Variants in SMURF1 observed in about 807,000 individuals in gnomAD.
SMURF1 encodes the protein E3 ubiquitin-protein ligase SMURF1.
In SMURF1, 44 loss-of-function variants were observed where a neutral mutation model predicts 98.0. That is an observed-to-expected ratio of 0.45 (90% CI 0.35 to 0.58). SMURF1 has a LOEUF of 0.58. SMURF1 is among the 20% of genes least tolerant of loss of function. SMURF1 has a pLI of 0.00. For missense variants in SMURF1, 687 were observed against 938.4 expected, an observed-to-expected ratio of 0.73 and a Z score of 3.50; for synonymous variants, 396 against 374.9, an observed-to-expected ratio of 1.06 and a Z score of -0.65.
intron 1 of SMURF1, among the ~76,000 whole-genome samples, chr7:99,066,586 T>A (rs1438418191): frequency 6.6e-6 from 1 of 152,034 alleles, no homozygotes; most frequent in Non-Finnish European, 1.5e-5. Flanking sequence ...GAGACCAGCC[T>A]GGGCAACATG....
intron 10 of SMURF1, among the ~76,000 whole-genome samples, chr7:99,047,023 C>G (rs73399225): frequency 0.012 from 1,768 of 152,308 alleles, 38 homozygotes; most frequent in African/African-American, 0.041. Context: ...CTGACAGTGT[C>G]TCCACAAAGG....
At chr7:99,080,487 T>C (rs1796556656) in intron 1 of SMURF1, among the ~76,000 whole-genome samples, 2 of 152,046 alleles carry the variant, frequency 1.3e-5, no homozygotes, top group South Asian at 4.1e-4. Flanking sequence ...TTAGTAGAGA[T>C]GGGGTTTCTC....
chr7:99,042,463 C>G (rs1795423155), intron 11 of SMURF1, among the ~76,000 whole-genome samples: 1 of 152,170 alleles, frequency 6.6e-6, no homozygotes, highest in Non-Finnish European at 1.5e-5. Flanking sequence ...TTAGTAGAGA[C>G]AGGGTTTCAC....
intron 1 of SMURF1, among the ~76,000 whole-genome samples, chr7:99,114,038 T>C (rs537362259): frequency 6.6e-6 from 1 of 151,984 alleles, no homozygotes; most frequent in South Asian, 2.1e-4. Flanking sequence ...GAGCACATAA[T>C]GTATAAAGAT....
At chr7:99,116,549 G>C (rs1335888336) in intron 1 of SMURF1, among the ~76,000 whole-genome samples, 1 of 152,134 alleles carries the variant, frequency 6.6e-6, no homozygotes, top group Admixed American at 6.5e-5. Flanking sequence ...ACTAAAATCA[G>C]CTGTATTTCA....
At chr7:99,092,489 G>C (rs928213571) in intron 1 of SMURF1, among the ~76,000 whole-genome samples, 1 of 152,178 alleles carries the variant, frequency 6.6e-6, no homozygotes, top group Admixed American at 6.5e-5. Context: ...TTGAGTCATC[G>C]AACGTGCATG....
At chr7:99,081,810 G>A (rs1796582583) in intron 1 of SMURF1, among the ~76,000 whole-genome samples, 2 of 152,034 alleles carry the variant, frequency 1.3e-5, no homozygotes, top group African/African-American at 4.8e-5. Context: ...CTGCCACCAC[G>A]CCCAGCTAAT....
chr7:99,120,052 C>G (rs1797569063), intron 1 of SMURF1, among the ~76,000 whole-genome samples: 1 of 152,096 alleles, frequency 6.6e-6, no homozygotes, highest in Admixed American at 6.6e-5. Flanking sequence ...TGGTGCCATC[C>G]CCATGGTAAT....
intron 1 of SMURF1, among the ~76,000 whole-genome samples, chr7:99,096,282 G>A (rs1015727294): frequency 4.6e-5 from 7 of 152,134 alleles, no homozygotes; most frequent in African/African-American, 9.7e-5. Flanking sequence ...ACCACAACCC[G>A]CAAAAGGCTA....
intron 1 of SMURF1, among the ~76,000 whole-genome samples, chr7:99,118,621 T>G (rs946993748): frequency 5.3e-5 from 8 of 152,170 alleles, no homozygotes; most frequent in African/African-American, 1.7e-4. Context: ...GATTAGTAGT[T>G]GTAAAGCCTA....
intron 17 of SMURF1, chr7:99,032,811 G>C: frequency 1.5e-6 from 1 of 683,152 alleles, no homozygotes; most frequent in South Asian, 1.8e-5. Flanking sequence ...GCTCTATACA[G>C]TGTCGTAATG....
Position 99,143,781 on chromosome 7 carries a change from C to A in SMURF1, c.-1G>T, listed in dbSNP as rs762039579. ...TCCTGCGTGTCCCGGGGTTCGACAT[C>A]TCCCGCCAACGATCGGGCAGCCGCG... On this transcript the variant is annotated 5_prime_UTR_variant, in exon 1 of 18. Transcript: ENST00000361368. The A allele has an allele frequency of 6.4e-7, 1 of 1,557,928 alleles. No homozygotes were observed. The highest frequency in any genetic ancestry group is 1.9e-5 in the Admixed American group (1 of 53,390).
At position 99,028,650 on chromosome 7, in the gene SMURF1, T is replaced by C. The variant is rs933963653; in HGVS notation, c.*1934A>G. ...GCAACATTCCTGCTTCAAAGTCTTT[T>C]AAACCATGAGACCCTGGTTTCCTTC... On this transcript the variant is annotated 3_prime_UTR_variant, in exon 18 of 18. Transcript: ENST00000361368. The C allele has an allele frequency of 6.6e-6, 1 of 152,268 alleles. No homozygotes were observed. Among genetic ancestry groups the C allele is most frequent in the Non-Finnish European group, 1.5e-5 (1 of 68,058 alleles). The allele number at this position is 152,268 out of a possible 1,614,324, so 9.4% of individuals were successfully genotyped here.
intron 1 of SMURF1, among the ~76,000 whole-genome samples, chr7:99,104,339 C>G (rs1226291257): frequency 6.6e-6 from 1 of 152,074 alleles, no homozygotes; most frequent in Non-Finnish European, 1.5e-5. Context: ...ATCTCACTAC[C>G]CAGCTATAAC....
intron 1 of SMURF1, among the ~76,000 whole-genome samples, chr7:99,118,337 C>A (rs1797509350): frequency 6.6e-6 from 1 of 152,186 alleles, no homozygotes; most frequent in Non-Finnish European, 1.5e-5. Context: ...TATGTTCACA[C>A]AAAAACTTGC....
intron 1 of SMURF1, among the ~76,000 whole-genome samples, chr7:99,066,998 CTT>C (rs376242285): frequency 4.0e-4 from 49 of 121,626 alleles, no homozygotes; most frequent in Admixed American, 6.5e-4. Flanking sequence ...ATTTTTTTTT[CTT>C]TTTTTTTTTT....
chr7:99,045,003 G>A (rs1795525461), intron 11 of SMURF1, among the ~76,000 whole-genome samples: 1 of 152,104 alleles, frequency 6.6e-6, no homozygotes. Context: ...GCCAGGCCTG[G>A]TGGCACACAC....
At chr7:99,047,931 A>C (rs750046149) in intron 9 of SMURF1, 49 bp from the exon 10 acceptor site, 9 of 1,571,368 alleles carry the variant, frequency 5.7e-6, no homozygotes, top group Non-Finnish European at 1.7e-6. Context: ...CGGCCAGGGG[A>C]GCTGCAAGCA....
intron 1 of SMURF1, among the ~76,000 whole-genome samples, chr7:99,127,222 G>A (rs1373190034): frequency 6.6e-6 from 1 of 152,198 alleles, no homozygotes; most frequent in Non-Finnish European, 1.5e-5. Flanking sequence ...TTCCTGCCAC[G>A]CAGGCAGATC....
Sources: gnomAD v4.1 joint callset for allele counts (sites outside exome capture counted in the v4.1 genomes callset) on GRCh38, gnomAD v4.1.1 for gene constraint, MANE v1.5 for transcripts, NCBI Gene and HGNC (gene_info 2026-07-23, HGNC 2026-07-21) for gene names.